The following DGUOK variants were observed in gnomAD, a reference collection of about 807,000 sequenced individuals.
DGUOK encodes the protein deoxyguanosine kinase, mitochondrial.
In DGUOK, 30 loss-of-function variants were observed where a neutral mutation model predicts 36.6. The ratio of observed to expected loss-of-function variants is 0.82; its 90% CI spans 0.61 to 1.11. The LOEUF (loss-of-function observed/expected upper bound fraction) is 1.11. Ranked by LOEUF, DGUOK falls within the 50% of genes most tolerant of loss-of-function variation. The probability of loss-of-function intolerance (pLI) is 0.00; values close to 1 mark genes in which losing one functional copy is unlikely to be tolerated. For synonymous variants in DGUOK, 145 were observed against 126.3 expected (o/e 1.15, Z -0.99); for missense variants, 361 against 336.4 (o/e 1.07, Z -0.57).
chr2:73,927,463 C>T (rs1170797966), intron 1 of DGUOK, among the ~76,000 whole-genome samples: 2 of 152,172 alleles, frequency 1.3e-5, no homozygotes, highest in Non-Finnish European at 2.9e-5. Flanking sequence ...TAGTGTGTGT[C>T]CAATGCAATA....
chr2:73,938,316 C>T (rs900669936), intron 1 of DGUOK, among the ~76,000 whole-genome samples: 1 of 152,132 alleles, frequency 6.6e-6, no homozygotes, highest in Non-Finnish European at 1.5e-5. Context: ...TTAGTGCCAT[C>T]CTGCATTTTT....
intron 4 of DGUOK, 34 bp downstream of exon 4, chr2:73,950,766 CCAT>C: frequency 6.2e-7 from 1 of 1,612,962 alleles, no homozygotes; most frequent in Non-Finnish European, 8.5e-7. Flanking sequence ...GACTTTAGGG[CCAT>C]ATGAAACCTA....
Position 73,954,068 on chromosome 2 carries a change from G to A in DGUOK, c.592-3057G>A, listed in dbSNP as rs1325954875. ...CCGGGCCAGACTGGACCAGGCGGGT[G>A]CAGTGGCTCATGCCTGCAATGCCAG... On this transcript the variant is annotated intron_variant, in intron 4 of 6. Coordinates refer to ENST00000264093, the MANE Select transcript of DGUOK (RefSeq NM_080916.3). 7.2e-5 allele frequency among the ~76,000 whole-genome samples: 11 copies of A among 152,220 alleles called. No homozygotes were observed. The East Asian group carries it at 1.4e-3, about 19-fold the overall frequency.
intron 1 of DGUOK, among the ~76,000 whole-genome samples, chr2:73,932,013 GAT>G (rs1412055664): frequency 6.6e-6 from 1 of 152,102 alleles, no homozygotes; most frequent in African/African-American, 2.4e-5. Context: ...AGGTTAGAGT[GAT>G]ATGTTTTGTA....
In DGUOK at chr2:73,957,238, GAAGT is replaced by G; in HGVS notation, c.707+3_707+6del. On this transcript the variant is annotated splice_donor_variant and coding_sequence_variant, in exon 5 of 7. Coordinates refer to ENST00000264093, the MANE Select transcript of DGUOK (RefSeq NM_080916.3). LOFTEE classifies it high-confidence loss of function. ...AAGCCTGGCTTATTCACAAGACAAC[GAAGT>G]AAGTGGGGAGAAAAGAATGTATCAG... 2 of 1,612,092 alleles carry G rather than the reference GAAGT, an allele frequency of 1.2e-6. No individual in the cohort carries two copies. Among genetic ancestry groups the G allele is most frequent in the Non-Finnish European group, 1.7e-6 (2 of 1,178,304 alleles).
intron 3 of DGUOK, 65 bp downstream of exon 3, chr2:73,946,971 C>A: frequency 7.2e-7 from 1 of 1,396,766 alleles, no homozygotes; most frequent in Non-Finnish European, 1.0e-6. Flanking sequence ...TGATCTTGCA[C>A]AGATCCTGCA....
intron 3 of DGUOK, among the ~76,000 whole-genome samples, chr2:73,949,008 G>A (rs1682528413): frequency 6.6e-6 from 1 of 152,196 alleles, no homozygotes; most frequent in Admixed American, 6.5e-5. Flanking sequence ...CTGGAGTGCA[G>A]TGGTGTAATC....
intron 4 of DGUOK, among the ~76,000 whole-genome samples, chr2:73,953,330 TCTG>T (rs1199106227): frequency 6.6e-6 from 1 of 151,726 alleles, no homozygotes; most frequent in Non-Finnish European, 1.5e-5. Context: ...TGGGGGCAGA[TCTG>T]CCCTTTTGGA....
At chr2:73,938,611 C>T (rs1302472116) in intron 1 of DGUOK, among the ~76,000 whole-genome samples, 1 of 152,224 alleles carries the variant, frequency 6.6e-6, no homozygotes, top group Non-Finnish European at 1.5e-5. Context: ...CTGATTTCAT[C>T]TACTTTTACA....
intron 4 of DGUOK, among the ~76,000 whole-genome samples, chr2:73,951,446 G>C (rs1262781481): frequency 6.6e-6 from 1 of 150,848 alleles, no homozygotes; most frequent in Non-Finnish European, 1.5e-5. Context: ...GGGATTCTGA[G>C]TCAAGGTGAG....
At chr2:73,951,685 G>A (rs1395164164) in intron 4 of DGUOK, among the ~76,000 whole-genome samples, 3 of 152,282 alleles carry the variant, frequency 2.0e-5, no homozygotes, top group South Asian at 2.1e-4. Flanking sequence ...CCTCACACCA[G>A]CCAACGAGGA....
chr2:73,950,370 A>G (rs1313271276), intron 3 of DGUOK, among the ~76,000 whole-genome samples: 1 of 152,232 alleles, frequency 6.6e-6, no homozygotes, highest in Non-Finnish European at 1.5e-5. Context: ...TCCAAAGTCT[A>G]GATCCTATTT....
intron 1 of DGUOK, among the ~76,000 whole-genome samples, chr2:73,928,191 G>A (rs1456173509): frequency 1.3e-5 from 2 of 152,130 alleles, no homozygotes; most frequent in Non-Finnish European, 2.9e-5. Context: ...GCAATGACAC[G>A]ATCTCGACTC....
At chr2:73,942,530 A>T (rs1208082638) in intron 2 of DGUOK, among the ~76,000 whole-genome samples, 2 of 152,154 alleles carry the variant, frequency 1.3e-5, no homozygotes, top group Admixed American at 1.3e-4. Context: ...TCATCTTCTG[A>T]AACTGGTTAT....
intron 1 of DGUOK, among the ~76,000 whole-genome samples, chr2:73,930,169 G>T (rs1400028209): frequency 6.6e-6 from 1 of 152,202 alleles, no homozygotes; most frequent in African/African-American, 2.4e-5. Context: ...GTGGGAACTT[G>T]GGAAGGTCTT....
chr2:73,945,625 G>A (rs1222659643), intron 2 of DGUOK, among the ~76,000 whole-genome samples: 2 of 152,028 alleles, frequency 1.3e-5, no homozygotes, highest in African/African-American at 4.8e-5. Context: ...ATACCCTTAC[G>A]GTACCCTGCC....
intron 1 of DGUOK, among the ~76,000 whole-genome samples, chr2:73,932,279 T>A (rs566513148): frequency 1.1e-4 from 16 of 152,322 alleles, no homozygotes; most frequent in Non-Finnish European, 1.5e-4. Context: ...CACACCCTGA[T>A]GACTCTCCCT....
chr2:73,958,678 A>AAAT (rs765518523), intron 6 of DGUOK, 32 bp from the exon 7 acceptor site: 1 of 1,595,790 alleles, frequency 6.3e-7, no homozygotes, highest in East Asian at 2.2e-5. Context: ...TAAAAATGTG[A>AAAT]AATTAAACTT....
chr2:73,943,689 G>A (rs537224869), intron 2 of DGUOK, among the ~76,000 whole-genome samples: 1 of 147,836 alleles, frequency 6.8e-6, no homozygotes, highest in South Asian at 2.1e-4. Context: ...TGCTCCTGTT[G>A]CCCAGGCCAG....
Sources: gnomAD v4.1 joint callset for allele counts (sites outside exome capture counted in the v4.1 genomes callset) on GRCh38, gnomAD v4.1.1 for gene constraint, MANE v1.5 for transcripts, NCBI Gene and HGNC (gene_info 2026-07-23, HGNC 2026-07-21) for gene names.